The following FRYL variants were observed in gnomAD, a reference collection of about 807,000 sequenced individuals.
The protein encoded by FRYL is protein furry homolog-like.
A neutral mutation model predicts 351.2 loss-of-function variants in FRYL; 150 were observed. The observed-to-expected ratio is 0.43, with a 90% confidence interval of 0.37 to 0.49. The LOEUF (loss-of-function observed/expected upper bound fraction) is 0.49. Among genes scored for constraint, FRYL ranks in the 20% least tolerant of loss-of-function variants. FRYL has a pLI of 0.00. For synonymous variants in FRYL, 1,153 were observed against 1,257.1 expected (o/e 0.92, Z 1.75); for missense variants, 3,036 against 3,619.3 (o/e 0.84, Z 4.13).
At chr4:48,695,726 C>A (rs1055964155) in intron 2 of FRYL, among the ~76,000 whole-genome samples, 1 of 152,012 alleles carries the variant, frequency 6.6e-6, no homozygotes, top group Non-Finnish European at 1.5e-5. Flanking sequence ...AAGAAACTAC[C>A]ATCAGAGTGA....
chr4:48,662,373 T>C (rs1244422549), intron 3 of FRYL, among the ~76,000 whole-genome samples: 1 of 151,882 alleles, frequency 6.6e-6, no homozygotes, highest in Non-Finnish European at 1.5e-5. Flanking sequence ...TACTGTGAGC[T>C]ACTACCTGCA....
intron 2 of FRYL, among the ~76,000 whole-genome samples, chr4:48,693,826 T>C (rs1173761746): frequency 6.6e-6 from 1 of 152,200 alleles, no homozygotes; most frequent in African/African-American, 2.4e-5. Flanking sequence ...ATTACAAGAA[T>C]ACAATTAGGC....
intron 3 of FRYL, among the ~76,000 whole-genome samples, chr4:48,677,528 A>G (rs1366750589): frequency 6.6e-6 from 1 of 151,892 alleles, no homozygotes; most frequent in Admixed American, 6.6e-5. Flanking sequence ...CTCCTGCCTC[A>G]GCTTCCCAAG....
rs955061615 is a variant in FRYL, at chr4:48,725,271, T to C, written c.-383-14573A>G. 3.3e-5 allele frequency among the ~76,000 whole-genome samples: 5 copies of C among 152,164 alleles called. No individual in the cohort carries two copies. In the East Asian group the frequency reaches 9.6e-4, roughly 29 times the overall value. On this transcript the variant is annotated intron_variant, in intron 1 of 63. Coordinates refer to ENST00000358350, the MANE Select transcript of FRYL (RefSeq NM_015030.2). ...CACTAAGGTGAGGCCCAGAAGAAAA[T>C]GGCCCACACTTAATTGCTCCCCTCC...
At chr4:48,594,590 C>T (rs945204293) in intron 15 of FRYL, among the ~76,000 whole-genome samples, 3 of 152,182 alleles carry the variant, frequency 2.0e-5, no homozygotes, top group African/African-American at 7.2e-5. Context: ...TTTTATTAAT[C>T]TTACTGATAC....
intron 3 of FRYL, among the ~76,000 whole-genome samples, chr4:48,665,788 G>GTA (rs1377452065): frequency 2.0e-5 from 3 of 152,168 alleles, no homozygotes; most frequent in African/African-American, 7.2e-5. Flanking sequence ...TACCCAGGGT[G>GTA]TACGGAGACC....
At chr4:48,744,811 CA>C (rs1772484659) in intron 1 of FRYL, among the ~76,000 whole-genome samples, 2 of 152,072 alleles carry the variant, frequency 1.3e-5, no homozygotes, top group South Asian at 4.1e-4. Flanking sequence ...GCAAAGATTA[CA>C]ATGTTTATTA....
rs1737106869 is a variant in FRYL at position 48,567,752 on chromosome 4, A to G, written c.2997-332T>C. 6.6e-6 allele frequency among the ~76,000 whole-genome samples: 1 copy of G among 152,256 alleles called. No individual in the cohort carries two copies. Among genetic ancestry groups the G allele is most frequent in the South Asian group, 2.1e-4 (1 of 4,834 alleles). On this transcript the variant is annotated intron_variant, in intron 27 of 63. Transcript: ENST00000358350. The surrounding 1 kb of genome is among the most constrained non-coding windows in gnomAD (Gnocchi z 4.2). ...GGAGGCATATGAAATGGGGAGGATC[A>G]GTTTAGAAAAGTAGAAAGAGGAAAG...
At chr4:48,634,169 T>C (rs942923698) in intron 4 of FRYL, 122 bp downstream of exon 4, 7 of 741,082 alleles carry the variant, frequency 9.4e-6, no homozygotes, top group Non-Finnish European at 1.6e-5. Context: ...TGCAGCTTTC[T>C]ACATCACCAC....
intron 23 of FRYL, 84 bp from the exon 24 acceptor site, chr4:48,576,306 T>A (rs1390823860): frequency 4.7e-6 from 3 of 642,624 alleles, no homozygotes; most frequent in Non-Finnish European, 6.5e-6. Context: ...CTAAATTTCT[T>A]TTTTTTTTTT....
chr4:48,779,421 C>A (rs866448473), intron 1 of FRYL, among the ~76,000 whole-genome samples: 3 of 152,096 alleles, frequency 2.0e-5, no homozygotes, highest in African/African-American at 7.2e-5. Context: ...GCGGGCACAG[C>A]GCCCGCACCC....
chr4:48,574,240 T>C (rs984553260), intron 25 of FRYL, among the ~76,000 whole-genome samples: 6 of 152,186 alleles, frequency 3.9e-5, no homozygotes, highest in Non-Finnish European at 8.8e-5. Flanking sequence ...CGAAAACTGC[T>C]GACCTTTAAA....
chr4:48,656,726 G>GAT (rs1759289297), intron 3 of FRYL, among the ~76,000 whole-genome samples: 4 of 21,348 alleles, frequency 1.9e-4, no homozygotes, highest in Non-Finnish European at 4.0e-4. Flanking sequence ...ATATATGACT[G>GAT]ACTATATATA....
intron 3 of FRYL, among the ~76,000 whole-genome samples, chr4:48,641,413 C>A (rs1417323347): frequency 6.6e-6 from 1 of 151,972 alleles, no homozygotes; most frequent in African/African-American, 2.4e-5. Context: ...CAAATCTATT[C>A]TTATTTCAAG....
At chr4:48,674,032 A>G (rs1763146572) in intron 3 of FRYL, among the ~76,000 whole-genome samples, 1 of 152,244 alleles carries the variant, frequency 6.6e-6, no homozygotes, top group Non-Finnish European at 1.5e-5. Context: ...TGTTAAATGT[A>G]TCATTGTCTC....
At chr4:48,660,046 AC>A in intron 3 of FRYL, among the ~76,000 whole-genome samples, 1 of 152,008 alleles carries the variant, frequency 6.6e-6, no homozygotes, top group East Asian at 1.9e-4. Flanking sequence ...CAGAAAATAT[AC>A]AAGATAAGCC....
chr4:48,757,710 A>T (rs565725578), intron 1 of FRYL, among the ~76,000 whole-genome samples: 25 of 152,322 alleles, frequency 1.6e-4, no homozygotes, highest in African/African-American at 4.8e-4. Context: ...AAGCTACCAA[A>T]GACTTTCTTC....
intron 17 of FRYL, among the ~76,000 whole-genome samples, chr4:48,590,356 C>T (rs1475717469): frequency 6.6e-6 from 1 of 151,922 alleles, no homozygotes; most frequent in African/African-American, 2.4e-5. Context: ...TGGTGATGCA[C>T]GCCTGTGGTC....
At chr4:48,551,068 T>TAA (rs1220502208) in intron 37 of FRYL, among the ~76,000 whole-genome samples, 1 of 124,900 alleles carries the variant, frequency 8.0e-6, no homozygotes. Flanking sequence ...TCCATCTCAA[T>TAA]AAAAAAAAAA....
Sources: gnomAD v4.1 joint callset for allele counts (sites outside exome capture counted in the v4.1 genomes callset) on GRCh38, gnomAD v4.1.1 for gene constraint, Gnocchi (gnomAD v3.1) non-coding constraint, MANE v1.5 for transcripts, NCBI Gene and HGNC (gene_info 2026-07-23, HGNC 2026-07-21) for gene names.